LRRD1: variants seen among roughly 807,000 people sequenced by gnomAD.
LRRD1 encodes leucine rich repeats and death domain containing 1, also known as leucine-rich repeat and death domain-containing protein 1.
A neutral mutation model predicts 69.5 loss-of-function variants in LRRD1; 49 were observed. The ratio of observed to expected loss-of-function variants is 0.70; its 90% confidence interval spans 0.56 to 0.89. The LOEUF (loss-of-function observed/expected upper bound fraction) is 0.89. Among genes scored for constraint, LRRD1 ranks in the 40% least tolerant of loss-of-function variants. The pLI is 0.00. For missense variants in LRRD1, 853 were observed against 956.0 expected (o/e 0.89, Z 1.42); for synonymous variants, 303 against 338.9 (o/e 0.89, Z 1.16).
rs542619786 is a variant in LRRD1 at position 92,167,876 on chromosome 7, C to CAAAAAAAAAAAAA, written c.-74-2613_-74-2601dup. Among the ~76,000 whole-genome samples the CAAAAAAAAAAAAA allele has an allele frequency of 2.6e-4, 12 of 46,196 alleles. 1 individual carries two copies. The highest frequency in any genetic ancestry group is 9.5e-4 in the African/African-American group (10 of 10,544). The allele number at this position is 46,196 out of a possible 152,430, so 30.3% of individuals were successfully genotyped here. On this transcript the variant is annotated intron_variant, in intron 1 of 5. Transcript: ENST00000458448. ...TGGGCAACACAGCGAGACTCTGTCT[C>CAAAAAAAAAAAAA]AAAAAAAAAAAAAAAAAAAAAAAAA...
At chr7:92,171,783 A>G (rs920742554) in intron 1 of LRRD1, among the ~76,000 whole-genome samples, 2 of 152,222 alleles carry the variant, frequency 1.3e-5, no homozygotes, top group African/African-American at 4.8e-5. Flanking sequence ...TACTAGCAAA[A>G]TGAATTCATC....
chr7:92,148,319 G>A (rs1820379995), intron 4 of LRRD1, among the ~76,000 whole-genome samples: 2 of 152,098 alleles, frequency 1.3e-5, no homozygotes, highest in Admixed American at 6.6e-5. Flanking sequence ...CAATCCTCCT[G>A]CCTTGGCCTC....
At chr7:92,174,782 C>T (rs1403233723) in intron 1 of LRRD1, among the ~76,000 whole-genome samples, 1 of 151,822 alleles carries the variant, frequency 6.6e-6, no homozygotes, top group Non-Finnish European at 1.5e-5. Context: ...TATGTCCAGG[C>T]TGGGCGTGGT....
At chr7:92,142,658 C>T (rs191925719), downstream of LRRD1, 5 of 407,686 alleles carry the variant, frequency 1.2e-5, no homozygotes, top group African/African-American at 6.2e-5. Context: ...TTCTGATGTT[C>T]GGATGTGTTC....
At chr7:92,174,051 T>C (rs1442033919) in intron 1 of LRRD1, among the ~76,000 whole-genome samples, 1 of 152,116 alleles carries the variant, frequency 6.6e-6, no homozygotes, top group African/African-American at 2.4e-5. Context: ...CTAGAGGTCA[T>C]TTGTTGAGTG....
At chr7:92,143,698 C>T (rs916886387), downstream of LRRD1, among the ~76,000 whole-genome samples, 3 of 152,190 alleles carry the variant, frequency 2.0e-5, no homozygotes, top group South Asian at 6.2e-4. Flanking sequence ...TTCCCGCCCG[C>T]GCCTCTCCCT....
chr7:92,142,536 G>A (rs765097353), downstream of LRRD1: 1 of 456,610 alleles, frequency 2.2e-6, no homozygotes, highest in Admixed American at 2.4e-5. Flanking sequence ...CCTGGCTTAA[G>A]TCAAATTGTG....
rs1268252834 is a variant in LRRD1, at chr7:92,178,124, T to C, written c.-75+883A>G. Among the ~76,000 whole-genome samples, 6 of 152,074 alleles carry C rather than the reference T, an allele frequency of 3.9e-5. No homozygotes were observed. In the East Asian group the frequency reaches 9.7e-4, roughly 25 times the overall value. ...ATCAGGAGATCGAGACCATCCTGGCTAACACGGTGAAACCCCGTCTGTACT... is the reference window on the plus strand; with the variant it reads ...ATCAGGAGATCGAGACCATCCTGGCCAACACGGTGAAACCCCGTCTGTACT... On this transcript the variant is annotated intron_variant, in intron 1 of 5. Coordinates refer to ENST00000458448, the MANE Select transcript of LRRD1 (RefSeq NM_001161528.2).
At chr7:92,167,987 C>G (rs1177084908) in intron 1 of LRRD1, among the ~76,000 whole-genome samples, 1 of 146,420 alleles carries the variant, frequency 6.8e-6, no homozygotes, top group Non-Finnish European at 1.5e-5. Context: ...ATTTCAAGTT[C>G]TAAAATTGAC....
chr7:92,167,909 T>G (rs111443977), intron 1 of LRRD1, among the ~76,000 whole-genome samples: 16,855 of 71,980 alleles, frequency 0.23, 1,575 homozygotes, highest in East Asian at 0.47. Context: ...AAAAAAAAAA[T>G]AAGTTATTCT....
intron 1 of LRRD1, among the ~76,000 whole-genome samples, chr7:92,174,634 G>T (rs1285852326): frequency 2.8e-5 from 4 of 143,390 alleles, no homozygotes; most frequent in African/African-American, 1.0e-4. Context: ...TCAGCCTCCC[G>T]AGTAGCTGGG....
intron 4 of LRRD1, among the ~76,000 whole-genome samples, chr7:92,147,742 CT>C (rs1413668237): frequency 2.0e-5 from 3 of 151,556 alleles, no homozygotes; most frequent in Non-Finnish European, 4.4e-5. Context: ...TTTTTCTTTT[CT>C]TTCTTTTAGA....
intron 1 of LRRD1, among the ~76,000 whole-genome samples, chr7:92,165,861 CAAAA>C (rs750215030): frequency 2.4e-5 from 1 of 41,708 alleles, no homozygotes; most frequent in Non-Finnish European, 4.8e-5. Context: ...AACTCCATCT[CAAAA>C]AAAAAAAAAA....
intron 3 of LRRD1, among the ~76,000 whole-genome samples, chr7:92,158,631 G>T (rs1045424415): frequency 2.6e-5 from 4 of 151,768 alleles, no homozygotes; most frequent in Non-Finnish European, 5.9e-5. Flanking sequence ...GTATTATAGG[G>T]TATAGGAGAA....
chr7:92,169,171 G>A (rs865832492), intron 1 of LRRD1, among the ~76,000 whole-genome samples: 8 of 151,998 alleles, frequency 5.3e-5, no homozygotes, highest in African/African-American at 7.2e-5. Flanking sequence ...TGCCCGTCTC[G>A]GCCTCCCAAA....
Position 92,148,291 on chromosome 7 carries a change from C to T in LRRD1, c.2279-2091G>A, listed in dbSNP as rs192653351. Among the ~76,000 whole-genome samples the T allele has an allele frequency of 1.2e-4, 18 of 152,186 alleles. 1 individual carries two copies. The East Asian group carries it at 3.5e-3, about 29-fold the overall frequency. Reference sequence around the variant, plus strand: ...CTCACTATATTGCCCAAGCTGGTCTCGAACTCCTGGGCTCAAGCAATCCTC... The same window carrying T: ...CTCACTATATTGCCCAAGCTGGTCTTGAACTCCTGGGCTCAAGCAATCCTC... On this transcript the variant is annotated intron_variant, in intron 4 of 5. Coordinates refer to ENST00000458448, the MANE Select transcript of LRRD1 (RefSeq NM_001161528.2).
chr7:92,166,324 G>A (rs1788909074), intron 1 of LRRD1, among the ~76,000 whole-genome samples: 1 of 152,050 alleles, frequency 6.6e-6, no homozygotes, highest in African/African-American at 2.4e-5. Flanking sequence ...TAGTTCTCCA[G>A]TACTTGTCTA....
At chr7:92,171,627 C>T (rs371809706) in intron 1 of LRRD1, among the ~76,000 whole-genome samples, 2 of 152,300 alleles carry the variant, frequency 1.3e-5, no homozygotes, top group African/African-American at 4.8e-5. Context: ...TATACTCAAA[C>T]TCCTCAAAAA....
At chr7:92,171,024 A>T (rs1789046576) in intron 1 of LRRD1, among the ~76,000 whole-genome samples, 1 of 152,194 alleles carries the variant, frequency 6.6e-6, no homozygotes, top group East Asian at 1.9e-4. Context: ...AACATACCAC[A>T]ATCTATGGGA....
Sources: allele counts gnomAD v4.1 joint callset (sites outside exome capture counted in the v4.1 genomes callset), GRCh38; gene constraint gnomAD v4.1.1; transcripts MANE v1.5; gene names NCBI Gene and HGNC (gene_info 2026-07-23, HGNC 2026-07-21).